Variants in ZBTB46 observed in about 807,000 individuals in gnomAD.
The protein encoded by ZBTB46 is zinc finger and BTB domain-containing protein 46.
A neutral mutation model predicts 44.1 loss-of-function variants in ZBTB46; 8 were observed. The observed-to-expected ratio is 0.18, with a 90% CI of 0.11 to 0.33. The LOEUF (loss-of-function observed/expected upper bound fraction) is 0.33. Among genes scored for constraint, ZBTB46 ranks in the 10% least tolerant of loss-of-function variants. The pLI, the probability that ZBTB46 is intolerant of heterozygous loss-of-function variation, is 1.00. For synonymous variants in ZBTB46, 409 were observed against 382.3 expected, an observed-to-expected ratio of 1.07 and a Z score of -0.81; for missense variants, 651 against 847.7, an observed-to-expected ratio of 0.77 and a Z score of 2.88.
intron 1 of ZBTB46, chr20:63,814,815 AC>A (rs1336697495): frequency 2.0e-5 from 3 of 152,714 alleles, no homozygotes; most frequent in Non-Finnish European, 4.4e-5. Flanking sequence ...TCCACATGTT[AC>A]TACCTCACAA....
chr20:63,755,739 T>C (rs981851085), intron 3 of ZBTB46, among the ~76,000 whole-genome samples: 8 of 152,200 alleles, frequency 5.3e-5, no homozygotes, highest in African/African-American at 1.9e-4. Context: ...ATTTGTGATT[T>C]ACAGTCTATA....
At chr20:63,779,442 C>T (rs1227259693) in intron 2 of ZBTB46, among the ~76,000 whole-genome samples, 137 of 106,450 alleles carry the variant, frequency 1.3e-3, no homozygotes, top group African/African-American at 5.1e-3. Flanking sequence ...TTTTTTGAGA[C>T]GGAGTCTTGC....
chr20:63,754,228 A>C (rs2092198518), intron 3 of ZBTB46, among the ~76,000 whole-genome samples: 1 of 152,052 alleles, frequency 6.6e-6, no homozygotes, highest in Admixed American at 6.6e-5. Flanking sequence ...GGAAATCCCA[A>C]GCTCTTCCTG....
intron 3 of ZBTB46, among the ~76,000 whole-genome samples, chr20:63,754,543 G>A (rs925376144): frequency 5.3e-5 from 8 of 151,892 alleles, no homozygotes; most frequent in South Asian, 2.1e-4. Flanking sequence ...CGATCCTCCC[G>A]CCTTGGCCTC....
chr20:63,802,323 T>G (rs895916912), intron 1 of ZBTB46, among the ~76,000 whole-genome samples: 2 of 151,968 alleles, frequency 1.3e-5, no homozygotes, highest in African/African-American at 4.8e-5. Flanking sequence ...CTCAGGAGGC[T>G]GAGGCACAAG....
chr20:63,786,390 G>A (rs2092514616), intron 2 of ZBTB46, among the ~76,000 whole-genome samples: 1 of 152,242 alleles, frequency 6.6e-6, no homozygotes, highest in Non-Finnish European at 1.5e-5. Flanking sequence ...GCATCTGTGG[G>A]TGGAGGCCAC....
At chr20:63,827,207 A>C (rs1470311142) in intron 1 of ZBTB46, among the ~76,000 whole-genome samples, 1 of 152,134 alleles carries the variant, frequency 6.6e-6, no homozygotes, top group Non-Finnish European at 1.5e-5. Flanking sequence ...TTTGTCACCA[A>C]CCTGGCCCAA....
chr20:63,783,803 C>T (rs2092490336), intron 2 of ZBTB46, among the ~76,000 whole-genome samples: 1 of 152,184 alleles, frequency 6.6e-6, no homozygotes, highest in African/African-American at 2.4e-5. Context: ...TTGGTTGAAA[C>T]CCTTCCACCC....
At chr20:63,757,107 G>C (rs1292908584) in intron 3 of ZBTB46, among the ~76,000 whole-genome samples, 1 of 152,174 alleles carries the variant, frequency 6.6e-6, no homozygotes, top group Non-Finnish European at 1.5e-5. Context: ...TGCTTGGTCA[G>C]AACTAGGGGT....
chr20:63,762,030 T>A (rs2092282074), intron 3 of ZBTB46, among the ~76,000 whole-genome samples: 1 of 152,226 alleles, frequency 6.6e-6, no homozygotes, highest in Non-Finnish European at 1.5e-5. Context: ...ATTTGGAATA[T>A]CCTGCACTTT....
chr20:63,786,128 G>A (rs1437038738), intron 2 of ZBTB46, among the ~76,000 whole-genome samples: 4 of 152,166 alleles, frequency 2.6e-5, no homozygotes, highest in East Asian at 1.9e-4. Flanking sequence ...ACCCTGCAGC[G>A]CATCTGTAAA....
intron 1 of ZBTB46, among the ~76,000 whole-genome samples, chr20:63,815,583 AGCACAGGTGCAGTGGGTGCAGGTGG>A (rs1283285834): frequency 8.3e-5 from 5 of 60,460 alleles, no homozygotes; most frequent in Admixed American, 2.1e-4. Context: ...GGTGCAGGTG[AGCACAGGTGCAGTGGGTGCAGGTGG>A]GCACAGGTGC....
chr20:63,772,946 A>C (rs2092389241), intron 3 of ZBTB46, among the ~76,000 whole-genome samples: 1 of 152,166 alleles, frequency 6.6e-6, no homozygotes, highest in Non-Finnish European at 1.5e-5. Context: ...TCCGGAAAGG[A>C]GGGGCCCAGA....
chr20:63,787,575 C>G lies in ZBTB46; in HGVS notation c.937+2246G>C, dbSNP rs1411420221. On this transcript the variant is annotated intron_variant, in intron 2 of 4. Transcript: ENST00000245663. This position sits in a 1 kb window ranked among gnomAD's most constrained non-coding sequence, Gnocchi z 4.6. Reference sequence around the variant, plus strand: ...CCACAGCTGCCTGCAGTGCTCAGCACCGTAACTAACACTGGCAGGTTTGTG... The same window carrying G: ...CCACAGCTGCCTGCAGTGCTCAGCAGCGTAACTAACACTGGCAGGTTTGTG... 1 of 152,222 alleles carries G rather than the reference C, an allele frequency of 6.6e-6. No homozygotes were observed. Among genetic ancestry groups the G allele is most frequent in the Admixed American group, 6.5e-5 (1 of 15,276 alleles). The allele number at this position is 152,222 out of a possible 1,614,324, so 9.4% of individuals were successfully genotyped here.
chr20:63,769,469 C>G, intron 3 of ZBTB46: 8 of 983,582 alleles, frequency 8.1e-6, no homozygotes, highest in Non-Finnish European at 9.7e-6. Flanking sequence ...CACTGACGAT[C>G]TTCCCGGCAT....
Position 63,764,595 on chromosome 20 carries a change from T to G in ZBTB46, c.1222+11083A>C, listed in dbSNP as rs370436554. 4.9e-3 allele frequency among the ~76,000 whole-genome samples: 690 copies of G among 141,274 alleles called. 7 individuals carry two copies. Among genetic ancestry groups the G allele is most frequent in the African/African-American group, 0.018 (654 of 36,266 alleles). 92.7% of individuals were successfully genotyped at this position (141,274 alleles called of 152,430 possible). On this transcript the variant is annotated intron_variant, in intron 3 of 4. Transcript: ENST00000245663. ...CTGTTGTTCTTCTGAATGTTAAGCA[T>G]TTTTTCTCTGTTTTTTTTTTTTTTG...
intron 4 of ZBTB46, among the ~76,000 whole-genome samples, chr20:63,748,482 C>T (rs2092127361): frequency 7.9e-5 from 12 of 152,188 alleles, no homozygotes; most frequent in Admixed American, 7.9e-4. Context: ...TGTACCCACT[C>T]ACGGGCACCC....
At chr20:63,782,403 A>G (rs1215470288) in intron 2 of ZBTB46, among the ~76,000 whole-genome samples, 7 of 152,264 alleles carry the variant, frequency 4.6e-5, no homozygotes, top group Non-Finnish European at 7.4e-5. Context: ...CAAGGATGCT[A>G]TGGCTTCCAG....
intron 1 of ZBTB46, among the ~76,000 whole-genome samples, chr20:63,827,601 C>G (rs1318484421): frequency 1.4e-5 from 2 of 138,240 alleles, no homozygotes; most frequent in African/African-American, 5.5e-5. Context: ...GGCGACAGAG[C>G]GAGACTCCGT....
Sources: gnomAD v4.1 joint callset for allele counts (sites outside exome capture counted in the v4.1 genomes callset) on GRCh38, gnomAD v4.1.1 for gene constraint, Gnocchi (gnomAD v3.1) non-coding constraint, MANE v1.5 for transcripts, NCBI Gene and HGNC (gene_info 2026-07-23, HGNC 2026-07-21) for gene names.